EPB41L4B: variants seen among roughly 807,000 people sequenced by gnomAD.
The protein encoded by EPB41L4B is erythrocyte membrane protein band 4.1 like 4B.
A neutral mutation model predicts 112.5 loss-of-function variants in EPB41L4B; 30 were observed. That is an observed-to-expected ratio of 0.27 (90% CI 0.20 to 0.36). The LOEUF is 0.36. Among genes scored for constraint, EPB41L4B ranks in the 10% least tolerant of loss-of-function variants. The probability of loss-of-function intolerance (pLI) is 1.00; values close to 1 mark genes in which losing one functional copy is unlikely to be tolerated. For synonymous variants in EPB41L4B, 408 were observed against 439.7 expected, an observed-to-expected ratio of 0.93 and a Z score of 0.90; for missense variants, 1,024 against 1,133.3, an observed-to-expected ratio of 0.90 and a Z score of 1.38.
chr9:109,314,328 A>G (rs1210963688), intron 1 of EPB41L4B, among the ~76,000 whole-genome samples: 1 of 152,200 alleles, frequency 6.6e-6, no homozygotes, highest in Non-Finnish European at 1.5e-5. Flanking sequence ...CCCCACCCCC[A>G]TCGACCTTCT....
intron 1 of EPB41L4B, among the ~76,000 whole-genome samples, chr9:109,314,641 C>CG (rs34796841): frequency 0.22 from 33,047 of 151,704 alleles, 5,169 homozygotes; most frequent in African/African-American, 0.43. Context: ...CTCACCCCCC[C>CG]CCACCTCAGC....
intron 15 of EPB41L4B, among the ~76,000 whole-genome samples, chr9:109,224,947 C>T (rs1014467098): frequency 1.3e-5 from 2 of 152,204 alleles, no homozygotes; most frequent in Non-Finnish European, 2.9e-5. Context: ...CCTCTCTGCT[C>T]GCTGCCTCAA....
intron 19 of EPB41L4B, among the ~76,000 whole-genome samples, chr9:109,200,548 A>G (rs940651887): frequency 2.6e-5 from 4 of 152,192 alleles, no homozygotes; most frequent in Non-Finnish European, 5.9e-5. Flanking sequence ...ATCATAGGGA[A>G]GAAAATATAG....
In EPB41L4B at chr9:109,203,662, C is replaced by A; in HGVS notation, c.1946+1G>T. Reference sequence around the variant, plus strand: ...CCCCATTCAGACAAGGAGCAACAGACCTTACACTAGCGTCCTGAAGACTGG... The same window carrying A: ...CCCCATTCAGACAAGGAGCAACAGAACTTACACTAGCGTCCTGAAGACTGG... On this transcript the variant is annotated splice_donor_variant, in intron 19 of 25. Coordinates refer to ENST00000374566, the MANE Select transcript of EPB41L4B (RefSeq NM_019114.5). LOFTEE classifies it high-confidence loss of function. The A allele has an allele frequency of 6.2e-7, 1 of 1,610,900 alleles. No individual in the cohort carries two copies. The highest frequency in any genetic ancestry group is 1.1e-5 in the South Asian group (1 of 90,980).
chr9:109,261,475 C>A (rs190789764), intron 6 of EPB41L4B, among the ~76,000 whole-genome samples: 8 of 151,952 alleles, frequency 5.3e-5, no homozygotes, highest in Non-Finnish European at 1.2e-4. Context: ...GTGGGAGGAT[C>A]GCTTGAGGCC....
rs113278168 is a variant in EPB41L4B at position 109,275,112 on chromosome 9, C to T, written c.411+4705G>A. 3.8e-3 allele frequency among the ~76,000 whole-genome samples: 573 copies of T among 152,288 alleles called. 3 individuals carry two copies. Among genetic ancestry groups the T allele is most frequent in the Non-Finnish European group, 7.0e-3 (478 of 68,016 alleles). ...GAAAAGGGAAACAGGAGGTCCTAGT[C>T]CCAACTGCTAAAAATAGGTGATATC... On this transcript the variant is annotated intron_variant, in intron 2 of 25. Transcript: ENST00000374566.
chr9:109,253,330 G>C, intron 12 of EPB41L4B, 111 bp downstream of exon 12: 1 of 737,124 alleles, frequency 1.4e-6, no homozygotes, highest in Non-Finnish European at 2.3e-6. Context: ...AAAAGCTCCA[G>C]ACTGGAGAAC....
At chr9:109,237,842 G>C (rs1265119729) in intron 15 of EPB41L4B, among the ~76,000 whole-genome samples, 1 of 152,114 alleles carries the variant, frequency 6.6e-6, no homozygotes, top group Non-Finnish European at 1.5e-5. Context: ...GGTGGGGGCT[G>C]TATGGACAGT....
At chr9:109,234,827 C>T (rs1321085364) in intron 15 of EPB41L4B, among the ~76,000 whole-genome samples, 1 of 152,190 alleles carries the variant, frequency 6.6e-6, no homozygotes, top group East Asian at 1.9e-4. Context: ...CACTGCACTC[C>T]AGCCTGGGTG....
intron 14 of EPB41L4B, among the ~76,000 whole-genome samples, chr9:109,244,745 C>A (rs1340118956): frequency 3.9e-5 from 6 of 152,158 alleles, no homozygotes; most frequent in Non-Finnish European, 8.8e-5. Context: ...TAGACATCAG[C>A]AGAAGTCAGG....
At chr9:109,267,714 G>C (rs951336438) in intron 3 of EPB41L4B, among the ~76,000 whole-genome samples, 163 bp from the exon 4 acceptor site, 5 of 152,152 alleles carry the variant, frequency 3.3e-5, no homozygotes, top group Non-Finnish European at 7.3e-5. Context: ...TCCTCATCAG[G>C]GAAACTGAGA....
intron 20 of EPB41L4B, among the ~76,000 whole-genome samples, chr9:109,197,826 A>AC (rs1388040021): frequency 2.6e-5 from 4 of 151,628 alleles, no homozygotes; most frequent in Non-Finnish European, 5.9e-5. Flanking sequence ...TATCAAAAAA[A>AC]AAAAAAAACA....
At chr9:109,245,943 C>G (rs1834538424) in intron 14 of EPB41L4B, among the ~76,000 whole-genome samples, 1 of 152,246 alleles carries the variant, frequency 6.6e-6, no homozygotes, top group Non-Finnish European at 1.5e-5. Flanking sequence ...TGAGAACACA[C>G]TACAGGCTAT....
chr9:109,312,845 C>G (rs1401630804), intron 1 of EPB41L4B, among the ~76,000 whole-genome samples: 1 of 152,100 alleles, frequency 6.6e-6, no homozygotes. Flanking sequence ...CTTTTCTGAC[C>G]CCCATCTTCC....
chr9:109,211,028 C>T (rs1325978158), intron 17 of EPB41L4B, among the ~76,000 whole-genome samples: 1 of 152,192 alleles, frequency 6.6e-6, no homozygotes, highest in Non-Finnish European at 1.5e-5. Context: ...ATTGTTTACA[C>T]ATCTAAAATC....
At chr9:109,243,834 G>A (rs909467227) in intron 14 of EPB41L4B, 152 bp from the exon 15 acceptor site, 17 of 733,614 alleles carry the variant, frequency 2.3e-5, no homozygotes, top group African/African-American at 5.3e-5. Flanking sequence ...TGTTTCCCAG[G>A]ACGATCACGT....
In EPB41L4B at chr9:109,255,947, A is replaced by C. The variant is rs951609586; in HGVS notation, c.930-104T>G. 4 of 1,272,256 alleles carry C rather than the reference A, an allele frequency of 3.1e-6. No individual in the cohort carries two copies. In the African/African-American group the frequency reaches 6.0e-5, roughly 19 times the overall value. The allele number at this position is 1,272,256 out of a possible 1,614,324, so 78.8% of individuals were successfully genotyped here. A position where few individuals can be genotyped will look rare whatever the true frequency, so the allele number is the denominator to read the frequency against. ...TTTTAAAGCTTAGACTAAAAAAAAA[A>C]TAAAAACATTCATCCAAGTGTGATT... On this transcript the variant is annotated intron_variant, in intron 9 of 25. Transcript: ENST00000374566.
chr9:109,256,248 C>G, intron 8 of EPB41L4B, 24 bp from the exon 9 acceptor site: 2 of 1,608,890 alleles, frequency 1.2e-6, no homozygotes, highest in Non-Finnish European at 1.7e-6. Context: ...AAGTGACAAT[C>G]GGTAGAGGGT....
intron 15 of EPB41L4B, among the ~76,000 whole-genome samples, chr9:109,237,101 C>T (rs1257125690): frequency 6.6e-6 from 1 of 152,158 alleles, no homozygotes; most frequent in Non-Finnish European, 1.5e-5. Context: ...GTGTTCAGAG[C>T]GGGACCCAGG....
Sources: gnomAD v4.1 joint callset for allele counts (sites outside exome capture counted in the v4.1 genomes callset) on GRCh38, gnomAD v4.1.1 for gene constraint, MANE v1.5 for transcripts, NCBI Gene and HGNC (gene_info 2026-07-23, HGNC 2026-07-21) for gene names.